LRP1B: variants seen among roughly 807,000 people sequenced by gnomAD.
The protein encoded by LRP1B is low-density lipoprotein receptor-related protein 1B.
A neutral mutation model predicts 556.6 loss-of-function variants in LRP1B; 217 were observed. That is an observed-to-expected ratio of 0.39 (90% CI 0.35 to 0.44). The LOEUF (loss-of-function observed/expected upper bound fraction) is 0.44, where lower values mean the gene tolerates loss of function less well. LRP1B is among the 20% of genes least tolerant of loss of function. LRP1B has a pLI of 1.00. For missense variants in LRP1B, 5,053 were observed against 5,620.8 expected (o/e 0.90, Z 3.23); for synonymous variants, 2,047 against 1,865.8 (o/e 1.10, Z -2.50).
At chr2:141,752,651 G>GGTGT (rs35485226) in intron 2 of LRP1B, among the ~76,000 whole-genome samples, 136 of 149,810 alleles carry the variant, frequency 9.1e-4, no homozygotes, top group African/African-American at 2.9e-3. Context: ...AATCTTGGGT[G>GGTGT]GTGTGTGTGT....
intron 84 of LRP1B, among the ~76,000 whole-genome samples, chr2:140,284,220 T>A (rs1683029489): frequency 6.6e-6 from 1 of 151,706 alleles, no homozygotes; most frequent in Admixed American, 6.6e-5. Context: ...GCTTAAATTC[T>A]GATAGAATCC....
intron 1 of LRP1B, among the ~76,000 whole-genome samples, chr2:141,961,906 G>C (rs968841931): frequency 5.1e-4 from 77 of 151,782 alleles, no homozygotes; most frequent in African/African-American, 1.5e-3. Flanking sequence ...TCTAGACTGA[G>C]CTTTACTATT....
At chr2:141,449,245 AT>A (rs1461992647) in intron 3 of LRP1B, among the ~76,000 whole-genome samples, 15 of 152,188 alleles carry the variant, frequency 9.9e-5, no homozygotes, top group African/African-American at 3.4e-4. Context: ...GAAGCCCACC[AT>A]TGCATAGCAC....
chr2:141,467,809 GTTTGTTTGTT>G (rs2105060811), intron 3 of LRP1B, among the ~76,000 whole-genome samples: 1 of 12,184 alleles, frequency 8.2e-5, no homozygotes. Flanking sequence ...CTTTTTGTTT[GTTTGTTTGTT>G]TGTTTGTTTG....
At chr2:141,235,354 T>C (rs1200037784) in intron 5 of LRP1B, among the ~76,000 whole-genome samples, 1 of 152,022 alleles carries the variant, frequency 6.6e-6, no homozygotes, top group East Asian at 1.9e-4. Context: ...AAGTAGAAAG[T>C]TTAAGTTATC....
intron 2 of LRP1B, among the ~76,000 whole-genome samples, chr2:141,652,027 T>A (rs554120501): frequency 1.3e-5 from 2 of 152,332 alleles, no homozygotes; most frequent in African/African-American, 4.8e-5. Flanking sequence ...AGCCAAAGTT[T>A]TATTCTCAAT....
At chr2:140,543,523 A>G (rs6738395) in intron 43 of LRP1B, among the ~76,000 whole-genome samples, 76,617 of 151,694 alleles carry the variant, frequency 0.51, 19,635 homozygotes, top group East Asian at 0.61. Context: ...GTCCCAATAC[A>G]TGCAGAAAAA....
intron 1 of LRP1B, among the ~76,000 whole-genome samples, chr2:141,856,912 GA>G (rs75949531): frequency 0.067 from 9,400 of 139,504 alleles, 876 homozygotes; most frequent in African/African-American, 0.22. Flanking sequence ...ACTATTACAG[GA>G]AAAAAAAAAA....
At chr2:142,051,447 G>A (rs1449844540) in intron 1 of LRP1B, among the ~76,000 whole-genome samples, 1 of 148,258 alleles carries the variant, frequency 6.7e-6, no homozygotes, top group Non-Finnish European at 1.5e-5. Flanking sequence ...ACTAATAGGG[G>A]CATAATTAAA....
At chr2:140,903,265 A>T in intron 22 of LRP1B, 100 bp from the exon 23 acceptor site, 4 of 1,353,812 alleles carry the variant, frequency 3.0e-6, no homozygotes, top group Non-Finnish European at 4.0e-6. Flanking sequence ...ATTAGCCAGG[A>T]TACTACAAAT....
chr2:141,503,244 TATAATATAATATATA>T (rs1183437079), intron 2 of LRP1B, among the ~76,000 whole-genome samples: 618 of 47,630 alleles, frequency 0.013, 8 homozygotes, highest in East Asian at 0.12. Context: ...CAATACAATA[TATAATATAATATATA>T]ATAATATATA....
chr2:140,740,284 G>A (rs1330659299), intron 35 of LRP1B, among the ~76,000 whole-genome samples: 1 of 152,114 alleles, frequency 6.6e-6, no homozygotes, highest in East Asian at 1.9e-4. Context: ...CAATCAACGG[G>A]TAGATAAAGA....
intron 66 of LRP1B, among the ~76,000 whole-genome samples, chr2:140,438,733 T>C (rs1034288770): frequency 6.6e-6 from 1 of 152,150 alleles, no homozygotes; most frequent in Non-Finnish European, 1.5e-5. Flanking sequence ...GGTTATAAAC[T>C]GAGATTGTAC....
intron 71 of LRP1B, among the ~76,000 whole-genome samples, chr2:140,366,978 T>C (rs898129572): frequency 1.3e-5 from 2 of 151,152 alleles, no homozygotes; most frequent in South Asian, 2.1e-4. Flanking sequence ...ATCCAGGGAG[T>C]GTGAGAGATT....
intron 86 of LRP1B, chr2:140,269,238 G>T: frequency 4.3e-6 from 2 of 469,968 alleles, no homozygotes; most frequent in South Asian, 3.1e-5. Context: ...GTCACACGAA[G>T]CGCAGCGATA....
intron 23 of LRP1B, among the ~76,000 whole-genome samples, chr2:140,889,597 AT>A (rs755635267): frequency 6.6e-6 from 1 of 152,144 alleles, no homozygotes; most frequent in African/African-American, 2.4e-5. Flanking sequence ...TGGCCCAGCC[AT>A]TCTTAAACAT....
At position 140,541,810 on chromosome 2, in the gene LRP1B, T is replaced by C; in HGVS notation, c.7356A>G (p.Gly2452=). 1 of 1,612,260 alleles carries C rather than the reference T, an allele frequency of 6.2e-7. No individual in the cohort carries two copies. The change falls in exon 44 of 91, where the codon GGA becomes GGG. Residue 2452 remains glycine, a synonymous_variant. Transcript: ENST00000389484. Reference sequence around the variant, plus strand: ...TGGTGTCATTGGCAACAGCTATGATTCCCATTGGCTGATGTGGAATATCGG... The same window carrying C: ...TGGTGTCATTGGCAACAGCTATGATCCCCATTGGCTGATGTGGAATATCGG... The part of the protein sequence containing the change: ...LRSDIPHQPM[G]IIAVANDTNS...
chr2:140,382,392 G>A (rs1192045269), intron 67 of LRP1B, among the ~76,000 whole-genome samples: 1 of 152,010 alleles, frequency 6.6e-6, no homozygotes. Flanking sequence ...AACTTAGATG[G>A]CATATATGAC....
intron 43 of LRP1B, among the ~76,000 whole-genome samples, chr2:140,583,843 A>C (rs1421537752): frequency 6.6e-6 from 1 of 151,952 alleles, no homozygotes; most frequent in Non-Finnish European, 1.5e-5. Flanking sequence ...AAAGGACTAT[A>C]AAAAAATGAC....
Sources: allele counts gnomAD v4.1 joint callset (sites outside exome capture counted in the v4.1 genomes callset), GRCh38; gene constraint gnomAD v4.1.1; transcripts MANE v1.5; gene names NCBI Gene and HGNC (gene_info 2026-07-23, HGNC 2026-07-21).